The following PTPRG variants were observed in gnomAD, a reference collection of about 807,000 sequenced individuals.
PTPRG encodes the protein receptor-type tyrosine-protein phosphatase gamma.
A neutral mutation model predicts 165.3 loss-of-function variants in PTPRG; 102 were observed. The observed-to-expected ratio is 0.62, with a 90% CI of 0.53 to 0.73. PTPRG has a LOEUF of 0.73. PTPRG is among the 30% of genes least tolerant of loss of function. PTPRG has a pLI of 0.00. For synonymous variants in PTPRG, 675 were observed against 669.5 expected (o/e 1.01, Z -0.13); for missense variants, 1,866 against 1,861.4 (o/e 1.00, Z -0.05).
chr3:61,563,535 G>A (rs1206046480), intron 1 of PTPRG, among the ~76,000 whole-genome samples: 1 of 152,186 alleles, frequency 6.6e-6, no homozygotes, highest in Non-Finnish European at 1.5e-5. Flanking sequence ...GCCCGGGGAA[G>A]GGCTGGAAGA....
At chr3:61,592,568 G>A (rs926632559) in intron 1 of PTPRG, among the ~76,000 whole-genome samples, 19 of 151,052 alleles carry the variant, frequency 1.3e-4, no homozygotes, top group Non-Finnish European at 1.8e-4. Flanking sequence ...AATCAAAATA[G>A]TTGCATATTA....
chr3:61,832,682 AC>A (rs1345370482), intron 2 of PTPRG, among the ~76,000 whole-genome samples: 1 of 152,096 alleles, frequency 6.6e-6, no homozygotes, highest in Non-Finnish European at 1.5e-5. Flanking sequence ...GTTTTTACTT[AC>A]TTTTTTAAAA....
At position 61,955,718 on chromosome 3, in the gene PTPRG, T is replaced by G. The variant is rs72885840; in HGVS notation, c.191-33907T>G. On this transcript the variant is annotated intron_variant, in intron 2 of 29. Transcript: ENST00000474889. ...TGGTGATTACCATACTGTGTTACTC[T>G]AGGGAGTTAAAGATTTATATTATGT... Among the ~76,000 whole-genome samples, 975 of 152,288 alleles carry G rather than the reference T, an allele frequency of 6.4e-3. 15 individuals carry two copies. The highest frequency in any genetic ancestry group is 0.022 in the African/African-American group (931 of 41,558).
intron 2 of PTPRG, among the ~76,000 whole-genome samples, chr3:61,825,853 G>A (rs2036092915): frequency 1.3e-5 from 2 of 152,222 alleles, no homozygotes; most frequent in South Asian, 4.1e-4. Flanking sequence ...GTTATGCTAT[G>A]TTGTCCAGGC....
chr3:61,943,222 C>A (rs1417079849), intron 2 of PTPRG, among the ~76,000 whole-genome samples: 1 of 152,172 alleles, frequency 6.6e-6, no homozygotes, highest in Non-Finnish European at 1.5e-5. Context: ...AGTTTTTGGT[C>A]TAACCACATC....
chr3:62,166,974 C>T (rs894435798), intron 7 of PTPRG, among the ~76,000 whole-genome samples: 2 of 152,132 alleles, frequency 1.3e-5, no homozygotes, highest in East Asian at 1.9e-4. Context: ...TGAGTCACCG[C>T]ACCTGGCCCA....
At chr3:61,738,973 TTTTTTTTTTTTTTTTTTG>T (rs969866210) in intron 1 of PTPRG, among the ~76,000 whole-genome samples, 36 of 57,758 alleles carry the variant, frequency 6.2e-4, no homozygotes, top group African/African-American at 1.2e-3. Flanking sequence ...CTCTGTTGCT[TTTTTTTTTTTTTTTTTTG>T]TTTTTTTTTT....
At chr3:61,594,353 A>G (rs1035105804) in intron 1 of PTPRG, among the ~76,000 whole-genome samples, 5 of 152,044 alleles carry the variant, frequency 3.3e-5, no homozygotes, top group African/African-American at 1.2e-4. Context: ...CATTTCTTCC[A>G]TTCTGAGTGG....
At chr3:62,258,627 C>T (rs1701606195) in intron 16 of PTPRG, among the ~76,000 whole-genome samples, 1 of 152,218 alleles carries the variant, frequency 6.6e-6, no homozygotes, top group African/African-American at 2.4e-5. Context: ...AAACAATTCA[C>T]TGGTACCTTT....
chr3:61,747,924 T>G (rs10510868), intron 1 of PTPRG, among the ~76,000 whole-genome samples: 30,419 of 152,096 alleles, frequency 0.2, 4,093 homozygotes, highest in East Asian at 0.52. Flanking sequence ...GACATTTGTC[T>G]TCTTATACAT....
chr3:61,563,040 T>C (rs1234002319), intron 1 of PTPRG, among the ~76,000 whole-genome samples: 2 of 151,992 alleles, frequency 1.3e-5, no homozygotes, highest in Non-Finnish European at 2.9e-5. Flanking sequence ...CGCAGGCGGT[T>C]TCGGAGAGAT....
At chr3:62,223,169 A>G (rs1472308543) in intron 13 of PTPRG, among the ~76,000 whole-genome samples, 1 of 152,046 alleles carries the variant, frequency 6.6e-6, no homozygotes, top group Non-Finnish European at 1.5e-5. Context: ...CATCGAAGGG[A>G]GATGTGCCAT....
intron 13 of PTPRG, among the ~76,000 whole-genome samples, chr3:62,223,328 G>T (rs971065036): frequency 6.6e-5 from 10 of 152,222 alleles, no homozygotes; most frequent in African/African-American, 2.2e-4. Context: ...CTGTTTATCT[G>T]TGCAGCTGTG....
At chr3:61,726,920 G>C (rs4688270) in intron 1 of PTPRG, among the ~76,000 whole-genome samples, 1 of 151,862 alleles carries the variant, frequency 6.6e-6, no homozygotes. Flanking sequence ...GGTGGCGGGC[G>C]TCTGTAGGCC....
At chr3:62,102,244 C>T (rs1434209605) in intron 5 of PTPRG, among the ~76,000 whole-genome samples, 1 of 152,152 alleles carries the variant, frequency 6.6e-6, no homozygotes, top group Non-Finnish European at 1.5e-5. Context: ...GGACACCTTT[C>T]TTTCTGTCTT....
chr3:62,050,922 A>G (rs1700450671), intron 4 of PTPRG, among the ~76,000 whole-genome samples: 1 of 152,192 alleles, frequency 6.6e-6, no homozygotes, highest in East Asian at 1.9e-4. Context: ...TTCTCTATTA[A>G]TACTCCGACT....
chr3:61,994,633 G>A (rs1005508017), intron 3 of PTPRG, among the ~76,000 whole-genome samples: 1 of 152,208 alleles, frequency 6.6e-6, no homozygotes, highest in African/African-American at 2.4e-5. Flanking sequence ...CTGTTGCATT[G>A]AGTTTACTTT....
chr3:62,203,693 C>G lies in PTPRG; in HGVS notation c.1898C>G (p.Thr633Ser). The part of the protein sequence containing the change: ...PSPTPSSPNR[T>S]AEGGHQTIPG... ...CCCACACCCTCGTCTCCTAACAGGACTGCCGAGGGAGGGCATCAGACTATA... is the reference window on the plus strand; with the variant it reads ...CCCACACCCTCGTCTCCTAACAGGAGTGCCGAGGGAGGGCATCAGACTATA... The change falls in exon 12 of 30, where the codon ACT (threonine) becomes AGT (serine). Residue 633 changes from threonine (T) to serine (S), a missense_variant. Coordinates refer to ENST00000474889, the MANE Select transcript of PTPRG (RefSeq NM_002841.4). This position sits in a 1 kb window ranked among gnomAD's most constrained non-coding sequence, Gnocchi z 6.4. 1 of 1,573,930 alleles carries G rather than the reference C, an allele frequency of 6.4e-7. No individual in the cohort carries two copies. The highest frequency in any genetic ancestry group is 8.6e-7 in the Non-Finnish European group (1 of 1,159,108).
At chr3:61,616,432 T>C (rs1374887822) in intron 1 of PTPRG, among the ~76,000 whole-genome samples, 2 of 152,200 alleles carry the variant, frequency 1.3e-5, no homozygotes, top group Non-Finnish European at 2.9e-5. Flanking sequence ...TAGTTTTCTC[T>C]TTCATGGATT....
Sources: allele counts gnomAD v4.1 joint callset (sites outside exome capture counted in the v4.1 genomes callset), GRCh38; gene constraint gnomAD v4.1.1; non-coding constraint Gnocchi (gnomAD v3.1); transcripts MANE v1.5; gene names NCBI Gene and HGNC (gene_info 2026-07-23, HGNC 2026-07-21).